Variants in B4GALT1 observed in about 807,000 individuals in gnomAD.
The protein encoded by B4GALT1 is N-acetyllactosamine synthase.
A neutral mutation model predicts 34.9 loss-of-function variants in B4GALT1; 16 were observed. The ratio of observed to expected loss-of-function variants is 0.46; its 90% CI spans 0.31 to 0.70. B4GALT1 has a LOEUF of 0.70. Ranked by LOEUF, B4GALT1 falls within the 30% of genes least tolerant of loss-of-function variation. The probability of loss-of-function intolerance (pLI) is 0.05; values close to 1 mark genes in which losing one functional copy is unlikely to be tolerated. For synonymous variants in B4GALT1, 221 were observed against 218.1 expected, an observed-to-expected ratio of 1.01 and a Z score of -0.12; for missense variants, 445 against 530.5, an observed-to-expected ratio of 0.84 and a Z score of 1.58.
intron 1 of B4GALT1, among the ~76,000 whole-genome samples, chr9:33,152,040 G>A (rs950955528): frequency 9.2e-5 from 14 of 152,164 alleles, no homozygotes; most frequent in Non-Finnish European, 1.3e-4. Context: ...ACTTCTGGCC[G>A]AGTGCAGTGG....
chr9:33,128,494 C>T (rs1587734304), intron 2 of B4GALT1, among the ~76,000 whole-genome samples: 4 of 152,140 alleles, frequency 2.6e-5, no homozygotes, highest in African/African-American at 9.7e-5. Flanking sequence ...AGAACAGAGA[C>T]ACACATAGAC....
chr9:33,118,504 A>T (rs897844723), intron 3 of B4GALT1, among the ~76,000 whole-genome samples: 12 of 147,046 alleles, frequency 8.2e-5, no homozygotes, highest in Non-Finnish European at 1.1e-4. Flanking sequence ...AAAAAAAAAA[A>T]TTTTTTTTTT....
Position 33,120,750 on chromosome 9 carries a change from C to A in B4GALT1, c.649-144G>T, listed in dbSNP as rs530152505. On this transcript the variant is annotated intron_variant, in intron 2 of 5. Coordinates refer to ENST00000379731, the MANE Select transcript of B4GALT1 (RefSeq NM_001497.4). ...TTCTGCCGTCACTCTACAATCAACA[C>A]AGAGTACCAAAACCTCTGAGTCAGC... is the stretch of plus-strand genomic sequence containing the variant. The A allele has an allele frequency of 9.9e-6, 8 of 806,508 alleles. No homozygotes were observed. The African/African-American group carries it at 1.4e-4, about 14-fold the overall frequency. 50.0% of individuals were successfully genotyped at this position (806,508 alleles called of 1,614,324 possible). A position where few individuals can be genotyped will look rare whatever the true frequency, so the allele number is the denominator to read the frequency against.
At chr9:33,163,928 C>G (rs1564055073) in intron 1 of B4GALT1, among the ~76,000 whole-genome samples, 1 of 152,172 alleles carries the variant, frequency 6.6e-6, no homozygotes, top group African/African-American at 2.4e-5. Context: ...CTCACATTAG[C>G]CCAGAGCAGG....
chr9:33,134,095 G>A (rs1301694613), intron 2 of B4GALT1, among the ~76,000 whole-genome samples: 2 of 152,196 alleles, frequency 1.3e-5, no homozygotes, highest in African/African-American at 4.8e-5. Flanking sequence ...GAAGTGGGTT[G>A]GAGGCTTCGG....
At chr9:33,166,546 C>T (rs1022472203) in intron 1 of B4GALT1, among the ~76,000 whole-genome samples, 1 of 152,222 alleles carries the variant, frequency 6.6e-6, no homozygotes, top group Admixed American at 6.5e-5. Flanking sequence ...GCGGTCCCGG[C>T]CCCACGCCTC....
At chr9:33,128,427 T>G (rs1263051404) in intron 2 of B4GALT1, among the ~76,000 whole-genome samples, 1 of 151,944 alleles carries the variant, frequency 6.6e-6, no homozygotes, top group Non-Finnish European at 1.5e-5. Flanking sequence ...GCAGAAAAAA[T>G]GGCATTTCCC....
At chr9:33,126,116 G>A (rs1396326310) in intron 2 of B4GALT1, among the ~76,000 whole-genome samples, 6 of 152,152 alleles carry the variant, frequency 3.9e-5, no homozygotes. Flanking sequence ...CTCTCAACAG[G>A]ACAGATCCGG....
chr9:33,173,726 A>G, the B4GALT1 span, among the ~76,000 whole-genome samples: 3 of 151,976 alleles, frequency 2.0e-5, no homozygotes, highest in Admixed American at 6.6e-5. Flanking sequence ...GGACCTAGGT[A>G]TTCTTGGAGA....
At chr9:33,109,498 T>C (rs537969474), downstream of B4GALT1, among the ~76,000 whole-genome samples, 2 of 152,354 alleles carry the variant, frequency 1.3e-5, no homozygotes, top group South Asian at 4.1e-4. Context: ...TATAGCTGGT[T>C]GGTCAGAAGT....
chr9:33,177,565 A>G, the B4GALT1 span: 1 of 152,222 alleles, frequency 6.6e-6, no homozygotes, highest in Non-Finnish European at 1.5e-5. Flanking sequence ...AGTAGTAGCA[A>G]CAGAGATCAT....
At chr9:33,118,494 A>AC (rs1839972941) in intron 3 of B4GALT1, among the ~76,000 whole-genome samples, 1 of 146,908 alleles carries the variant, frequency 6.8e-6, no homozygotes, top group Admixed American at 6.8e-5. Flanking sequence ...AGACATCTCT[A>AC]AAAAAAAAAA....
chr9:33,133,206 A>G (rs1309383531), intron 2 of B4GALT1, among the ~76,000 whole-genome samples: 1 of 152,132 alleles, frequency 6.6e-6, no homozygotes, highest in Non-Finnish European at 1.5e-5. Flanking sequence ...CCTAGGCCCA[A>G]ATATATATTT....
At chr9:33,156,099 C>T (rs532794923) in intron 1 of B4GALT1, among the ~76,000 whole-genome samples, 1 of 151,886 alleles carries the variant, frequency 6.6e-6, no homozygotes, top group Admixed American at 6.6e-5. Flanking sequence ...ATTGAATATG[C>T]CCCATCTGCT....
chr9:33,139,325 G>A (rs1480200662), intron 1 of B4GALT1, among the ~76,000 whole-genome samples: 1 of 152,132 alleles, frequency 6.6e-6, no homozygotes, highest in African/African-American at 2.4e-5. Flanking sequence ...ATGGCTCTGT[G>A]CAGAGCTTTA....
chr9:33,135,923 G>GTA (rs1284753882), intron 1 of B4GALT1, among the ~76,000 whole-genome samples: 3 of 151,428 alleles, frequency 2.0e-5, no homozygotes, highest in Non-Finnish European at 1.5e-5. Context: ...GTGTGTGTGT[G>GTA]TGTGTGTGTG....
At chr9:33,171,871 G>A (rs546901627), upstream of B4GALT1, among the ~76,000 whole-genome samples, 1 of 152,284 alleles carries the variant, frequency 6.6e-6, no homozygotes, top group Non-Finnish European at 1.5e-5. Context: ...ACCTCTTGAT[G>A]GGAGGAGGGA....
At chr9:33,130,768 A>G (rs914053492) in intron 2 of B4GALT1, among the ~76,000 whole-genome samples, 26 of 151,812 alleles carry the variant, frequency 1.7e-4, no homozygotes, top group Admixed American at 1.2e-3. Flanking sequence ...TCCACTATCC[A>G]TTACCCTCTG....
At chr9:33,131,283 G>C (rs986148631) in intron 2 of B4GALT1, among the ~76,000 whole-genome samples, 2 of 152,164 alleles carry the variant, frequency 1.3e-5, no homozygotes, top group African/African-American at 4.8e-5. Context: ...GTCCCTCTCT[G>C]AGCCTGTTTC....
Sources: gnomAD v4.1 joint callset for allele counts (sites outside exome capture counted in the v4.1 genomes callset) on GRCh38, gnomAD v4.1.1 for gene constraint, MANE v1.5 for transcripts, NCBI Gene and HGNC (gene_info 2026-07-23, HGNC 2026-07-21) for gene names.